RABEP1: variants seen among roughly 807,000 people sequenced by gnomAD.
RABEP1 encodes the protein rabaptin, RAB GTPase binding effector protein 1, also known as rab GTPase-binding effector protein 1.
A neutral mutation model predicts 123.4 loss-of-function variants in RABEP1; 51 were observed. The ratio of observed to expected loss-of-function variants is 0.41; its 90% CI spans 0.33 to 0.52. RABEP1 has a LOEUF of 0.52. Ranked by LOEUF, RABEP1 falls within the 20% of genes least tolerant of loss-of-function variation. The pLI is 0.16. For synonymous variants in RABEP1, 347 were observed against 355.2 expected, an observed-to-expected ratio of 0.98 and a Z score of 0.26; for missense variants, 888 against 996.3, an observed-to-expected ratio of 0.89 and a Z score of 1.46.
At chr17:5,282,957 G>A (rs575560181) in intron 1 of RABEP1, among the ~76,000 whole-genome samples, 2 of 152,176 alleles carry the variant, frequency 1.3e-5, no homozygotes, top group African/African-American at 4.8e-5. Flanking sequence ...AGAACTCTTT[G>A]CACCCAGTTA....
intron 13 of RABEP1, among the ~76,000 whole-genome samples, chr17:5,375,534 C>G (rs1567553491): frequency 1.3e-5 from 2 of 151,724 alleles, no homozygotes; most frequent in Non-Finnish European, 2.9e-5. Flanking sequence ...GCTACTGAAA[C>G]AAACAAAAAA....
At chr17:5,316,978 G>A (rs1163232746) in intron 2 of RABEP1, among the ~76,000 whole-genome samples, 1 of 151,808 alleles carries the variant, frequency 6.6e-6, no homozygotes, top group Non-Finnish European at 1.5e-5. Context: ...TATGTCGGCT[G>A]ACTGCAACCT....
intron 5 of RABEP1, among the ~76,000 whole-genome samples, chr17:5,340,292 C>T (rs970783011): frequency 6.6e-6 from 1 of 152,080 alleles, no homozygotes; most frequent in African/African-American, 2.4e-5. Flanking sequence ...TCATACTGTG[C>T]TTTGATTTTC....
chr17:5,360,182 G>C (rs1043545235), intron 8 of RABEP1, among the ~76,000 whole-genome samples: 2 of 152,176 alleles, frequency 1.3e-5, no homozygotes, highest in Non-Finnish European at 2.9e-5. Context: ...ATTTTAAATA[G>C]ATGGAATTAC....
chr17:5,296,558 G>A (rs1233760975), intron 1 of RABEP1, among the ~76,000 whole-genome samples: 2 of 152,222 alleles, frequency 1.3e-5, no homozygotes, highest in African/African-American at 4.8e-5. Context: ...ACCGTGCCCA[G>A]CCTGGTTTTG....
intron 10 of RABEP1, among the ~76,000 whole-genome samples, chr17:5,363,510 G>C (rs1909746781): frequency 6.6e-6 from 1 of 152,006 alleles, no homozygotes; most frequent in Non-Finnish European, 1.5e-5. Flanking sequence ...GAGCCACCGC[G>C]CTCGGCCAGG....
In RABEP1 at chr17:5,384,443, G is replaced by A; in HGVS notation, c.*1220G>A. ...CATCATCCAGGAGGTTCAAAAGTAA[G>A]ATGGTTTTCAAATCATTTTTGAGAC... On this transcript the variant is annotated 3_prime_UTR_variant, in exon 18 of 18. Coordinates refer to ENST00000537505, the MANE Select transcript of RABEP1 (RefSeq NM_004703.6). The A allele has an allele frequency of 4.6e-6, 1 of 215,764 alleles. No individual in the cohort carries two copies. The highest frequency in any genetic ancestry group is 9.3e-6 in the Non-Finnish European group (1 of 107,102). 13.4% of individuals were successfully genotyped at this position (215,764 alleles called of 1,614,324 possible).
At chr17:5,362,022 T>C (rs1292995567) in intron 9 of RABEP1, 1 of 203,294 alleles carries the variant, frequency 4.9e-6, no homozygotes, top group Non-Finnish European at 1.0e-5. Context: ...TCTCAGTGTA[T>C]TGCAGGATCC....
intron 9 of RABEP1, 24 bp downstream of exon 9, chr17:5,361,699 T>C: frequency 6.4e-7 from 1 of 1,563,748 alleles, no homozygotes; most frequent in Non-Finnish European, 8.7e-7. Flanking sequence ...CTCACGTTTT[T>C]CCTCTTGCTC....
At chr17:5,284,932 C>G (rs2074963116) in intron 1 of RABEP1, among the ~76,000 whole-genome samples, 1 of 149,016 alleles carries the variant, frequency 6.7e-6, no homozygotes, top group African/African-American at 2.5e-5. Flanking sequence ...TTGACTTTAT[C>G]TTGTTTTATC....
intron 12 of RABEP1, among the ~76,000 whole-genome samples, chr17:5,372,759 AT>A (rs56024470): frequency 0.34 from 49,893 of 146,436 alleles, 9,105 homozygotes; most frequent in East Asian, 0.82. Flanking sequence ...GAAAATATTA[AT>A]TTTTTTTTTT....
intron 12 of RABEP1, among the ~76,000 whole-genome samples, chr17:5,368,811 CCAGT>C (rs1910298481): frequency 6.6e-6 from 1 of 152,254 alleles, no homozygotes; most frequent in African/African-American, 2.4e-5. Flanking sequence ...CAGCTTTTGA[CCAGT>C]CATTTTGTGA....
Position 5,299,798 on chromosome 17 carries a change from C to T in RABEP1, c.35-8896C>T, listed in dbSNP as rs181893884. ...AGGCTGGAGTGCAATGGCGTGATCTCGGCTCACTGCAACCTCTGCCTCCTG... is the reference window on the plus strand; with the variant it reads ...AGGCTGGAGTGCAATGGCGTGATCTTGGCTCACTGCAACCTCTGCCTCCTG... On this transcript the variant is annotated intron_variant, in intron 1 of 17. Transcript: ENST00000537505. Among the ~76,000 whole-genome samples the T allele has an allele frequency of 5.5e-4, 75 of 135,172 alleles. 1 individual carries two copies. Among genetic ancestry groups the T allele is most frequent in the African/African-American group, 1.9e-3 (67 of 35,846 alleles). 88.7% of individuals were successfully genotyped at this position (135,172 alleles called of 152,430 possible).
At chr17:5,327,092 A>C (rs1289599291) in intron 2 of RABEP1, among the ~76,000 whole-genome samples, 1 of 152,224 alleles carries the variant, frequency 6.6e-6, no homozygotes, top group Non-Finnish European at 1.5e-5. Flanking sequence ...TCACGCCTGT[A>C]ATCCCAGCAC....
At chr17:5,319,799 G>A (rs1460231798) in intron 2 of RABEP1, among the ~76,000 whole-genome samples, 1 of 152,120 alleles carries the variant, frequency 6.6e-6, no homozygotes, top group Non-Finnish European at 1.5e-5. Context: ...GAGGAAAGAA[G>A]CAGTGACCTT....
At chr17:5,347,101 G>A (rs1296652522) in intron 6 of RABEP1, among the ~76,000 whole-genome samples, 176 bp downstream of exon 6, 4 of 152,012 alleles carry the variant, frequency 2.6e-5, no homozygotes, top group African/African-American at 7.2e-5. Flanking sequence ...TTTTTCCTTC[G>A]TGAGCTCAGT....
intron 2 of RABEP1, among the ~76,000 whole-genome samples, chr17:5,322,573 C>G (rs1905488015): frequency 6.6e-6 from 1 of 151,854 alleles, no homozygotes; most frequent in African/African-American, 2.4e-5. Context: ...ACAGATTATC[C>G]AGGCAGCAAA....
At chr17:5,378,444 A>C in intron 15 of RABEP1, 1 of 644,160 alleles carries the variant, frequency 1.6e-6, no homozygotes, top group Non-Finnish European at 2.8e-6. Flanking sequence ...GGAGGAGGTA[A>C]GGCTAAGATG....
chr17:5,307,444 A>G (rs1289922765), intron 1 of RABEP1, among the ~76,000 whole-genome samples: 1 of 152,188 alleles, frequency 6.6e-6, no homozygotes, highest in African/African-American at 2.4e-5. Flanking sequence ...AGTGATTGGG[A>G]GAGGGGATAG....
Sources: gnomAD v4.1 joint callset for allele counts (sites outside exome capture counted in the v4.1 genomes callset) on GRCh38, gnomAD v4.1.1 for gene constraint, MANE v1.5 for transcripts, NCBI Gene and HGNC (gene_info 2026-07-23, HGNC 2026-07-21) for gene names.